The following GLS variants were observed in gnomAD, a reference collection of about 807,000 sequenced individuals.
GLS encodes the protein glutaminase kidney isoform, mitochondrial.
GLS carries 36 observed loss-of-function variants against 86.7 expected under a neutral mutation model. The observed-to-expected ratio is 0.42, with a 90% confidence interval of 0.32 to 0.55. GLS has a LOEUF of 0.55. Ranked by LOEUF, GLS falls within the 20% of genes least tolerant of loss-of-function variation. GLS has a pLI of 0.17. For missense variants in GLS, 528 were observed against 833.4 expected (o/e 0.63, Z 4.51); for synonymous variants, 317 against 305.9 (o/e 1.04, Z -0.38).
rs1465040874 is a variant in GLS, at chr2:190,962,129, A to G, written c.1854-701A>G. On this transcript the variant is annotated intron_variant, in intron 17 of 17. Coordinates refer to ENST00000320717, the MANE Select transcript of GLS (RefSeq NM_014905.5). The surrounding 1 kb of genome is among the most constrained non-coding windows in gnomAD (Gnocchi z 4.2). ...GGCAAGTGATTAACCACTTCTGGCA[A>G]CTCTTCATTTCTTCTTATCCTTGAA... Among the ~76,000 whole-genome samples the G allele has an allele frequency of 6.6e-6, 1 of 152,146 alleles. No homozygotes were observed. Among genetic ancestry groups the G allele is most frequent in the African/African-American group, 2.4e-5 (1 of 41,426 alleles).
intron 14 of GLS, among the ~76,000 whole-genome samples, chr2:190,939,056 A>G (rs954635447): frequency 1.3e-5 from 2 of 151,712 alleles, no homozygotes; most frequent in Non-Finnish European, 3.0e-5. Context: ...CAAGTTCTAA[A>G]CAAATGGTTT....
chr2:190,901,992 T>TGG lies in GLS; in HGVS notation c.784_785dup (p.Ser264CysfsTer6), dbSNP rs1472854634. 6.2e-7 allele frequency: 1 copy of TGG among 1,611,816 alleles called. No individual in the cohort carries two copies. The highest frequency in any genetic ancestry group is 8.5e-7 in the Non-Finnish European group (1 of 1,178,132). ...ACTGGCCAAATTCAGTCCCGATTTG[T>TGG]GGGGTGTGTCTGTTTGTACAGTAGA... is the stretch of plus-strand genomic sequence containing the variant. On this transcript the variant is annotated frameshift_variant, in exon 5 of 18. Transcript: ENST00000320717. LOFTEE classifies it high-confidence loss of function.
In GLS at chr2:190,905,364, G is replaced by A. The variant is rs1689096989; in HGVS notation, c.979+197G>A. 4 of 456,126 alleles carry A rather than the reference G, an allele frequency of 8.8e-6. No individual in the cohort carries two copies. Among genetic ancestry groups the A allele is most frequent in the South Asian group, 6.6e-5 (2 of 30,438 alleles). The allele number at this position is 456,126 out of a possible 1,614,324, so 28.3% of individuals were successfully genotyped here. Reference sequence around the variant, plus strand: ...CTCATACCACTGGGAAGTGGGCTAGGGAGAACATGAACTTCTCTCTTCATA... The same window carrying A: ...CTCATACCACTGGGAAGTGGGCTAGAGAGAACATGAACTTCTCTCTTCATA... On this transcript the variant is annotated intron_variant, in intron 6 of 17. Coordinates refer to ENST00000320717, the MANE Select transcript of GLS (RefSeq NM_014905.5). The surrounding 1 kb of genome is among the most constrained non-coding windows in gnomAD (Gnocchi z 4.6).
rs1688718857 is a variant in GLS at position 190,895,943 on chromosome 2, C to T, written c.605+218C>T. 3 of 316,060 alleles carry T rather than the reference C, an allele frequency of 9.5e-6. No individual in the cohort carries two copies. The highest frequency in any genetic ancestry group is 1.8e-5 in the Non-Finnish European group (3 of 167,992). The allele number at this position is 316,060 out of a possible 1,614,324, so 19.6% of individuals were successfully genotyped here. A position where few individuals can be genotyped will look rare whatever the true frequency, so the allele number is the denominator to read the frequency against. On this transcript the variant is annotated intron_variant, in intron 3 of 17. Coordinates refer to ENST00000320717, the MANE Select transcript of GLS (RefSeq NM_014905.5). The surrounding 1 kb of genome is among the most constrained non-coding windows in gnomAD (Gnocchi z 4.2). Reference sequence around the variant, plus strand: ...TTAAATCTGTTCTAAGCAAATTTAGCCACCGATGTTTCCAGTTTACAGTAC... The same window carrying T: ...TTAAATCTGTTCTAAGCAAATTTAGTCACCGATGTTTCCAGTTTACAGTAC...
chr2:190,934,513 A>G (rs1329333060), intron 14 of GLS: 13 of 983,836 alleles, frequency 1.3e-5, no homozygotes, highest in Non-Finnish European at 1.6e-5. Flanking sequence ...TCAAGGCCTT[A>G]CTGCATATTT....
chr2:190,959,033 A>G (rs1052838041), intron 17 of GLS, among the ~76,000 whole-genome samples: 2 of 152,088 alleles, frequency 1.3e-5, no homozygotes, highest in Non-Finnish European at 2.9e-5. Flanking sequence ...AAAGTCTCCC[A>G]CTATTATTGT....
Position 190,954,440 on chromosome 2 carries a change from T to C in GLS, c.1713-144T>C. On this transcript the variant is annotated intron_variant, in intron 15 of 17. Coordinates refer to ENST00000320717, the MANE Select transcript of GLS (RefSeq NM_014905.5). This position sits in a 1 kb window ranked among gnomAD's most constrained non-coding sequence, Gnocchi z 4.0. The stretch of plus-strand genomic sequence containing the variant: ...TCTACCCAAAACACCTGTGTACTGG[T>C]TAATAAGGTCGGTAGTTCCCATTAA... 1 of 623,910 alleles carries C rather than the reference T, an allele frequency of 1.6e-6. No homozygotes were observed. The highest frequency in any genetic ancestry group is 2.7e-5 in the East Asian group (1 of 36,426). The allele number at this position is 623,910 out of a possible 1,614,324, so 38.6% of individuals were successfully genotyped here.
At position 190,955,126 on chromosome 2, in the gene GLS, T is replaced by A. The variant is rs187524759; in HGVS notation, c.1853+308T>A. ...ATTGGAATTTTATCCTCATGGATTT[T>A]AAAAAAAAAATTTTTAAATTACACT... On this transcript the variant is annotated intron_variant, in intron 17 of 17. Coordinates refer to ENST00000320717, the MANE Select transcript of GLS (RefSeq NM_014905.5). This position sits in a 1 kb window ranked among gnomAD's most constrained non-coding sequence, Gnocchi z 5.6. 6.0e-3 allele frequency among the ~76,000 whole-genome samples: 899 copies of A among 151,044 alleles called. 18 individuals are homozygous for A. Among genetic ancestry groups the A allele is most frequent in the African/African-American group, 0.016 (642 of 41,140 alleles).
At chr2:190,911,390 G>T (rs1167964480) in intron 7 of GLS, among the ~76,000 whole-genome samples, 1 of 152,142 alleles carries the variant, frequency 6.6e-6, no homozygotes, top group Non-Finnish European at 1.5e-5. Context: ...ATGTTTACTT[G>T]TTACTTCAAG....
rs1558981725 is a variant in GLS, at chr2:190,921,012, A to C, written c.1039-12A>C. On this transcript the variant is annotated splice_polypyrimidine_tract_variant and intron_variant, in intron 7 of 17. Transcript: ENST00000320717. The surrounding 1 kb of genome is among the most constrained non-coding windows in gnomAD (Gnocchi z 4.2). ...CTATATTAACGTATTTATGTCTCTT[A>C]TTTTTTTGCAGCAAGGAGTAAATAA... is the stretch of plus-strand genomic sequence containing the variant. 6.8e-7 allele frequency: 1 copy of C among 1,475,450 alleles called. No homozygotes were observed. 91.4% of individuals were successfully genotyped at this position (1,475,450 alleles called of 1,614,324 possible).
At chr2:190,890,460 G>A (rs1041932093) in intron 1 of GLS, among the ~76,000 whole-genome samples, 3 of 152,198 alleles carry the variant, frequency 2.0e-5, no homozygotes, top group African/African-American at 7.2e-5. Flanking sequence ...AGCCTTAAAA[G>A]ATGTAAGTTT....
intron 14 of GLS, among the ~76,000 whole-genome samples, chr2:190,944,208 T>G (rs1171251492): frequency 6.6e-6 from 1 of 151,940 alleles, no homozygotes; most frequent in African/African-American, 2.4e-5. Context: ...TTTTTTTTTT[T>G]GTTTAATATG....
intron 6 of GLS, among the ~76,000 whole-genome samples, chr2:190,907,158 T>C (rs1689174382): frequency 6.6e-6 from 1 of 152,044 alleles, no homozygotes; most frequent in Admixed American, 6.5e-5. Flanking sequence ...TCTCCTGACC[T>C]CGTGATCTGC....
intron 7 of GLS, among the ~76,000 whole-genome samples, chr2:190,915,273 T>C (rs1014350247): frequency 6.6e-6 from 1 of 151,932 alleles, no homozygotes; most frequent in Admixed American, 6.5e-5. Flanking sequence ...GTGCTGGGAT[T>C]ACAGACGTGA....
chr2:190,895,103 G>T lies in GLS; in HGVS notation c.387-49G>T, dbSNP rs1688684451. 2.5e-6 allele frequency: 2 copies of T among 798,938 alleles called. No individual in the cohort carries two copies. The highest frequency in any genetic ancestry group is 2.0e-5 in the Admixed American group (1 of 51,036). 49.5% of individuals were successfully genotyped at this position (798,938 alleles called of 1,614,324 possible). A position where few individuals can be genotyped will look rare whatever the true frequency, so the allele number is the denominator to read the frequency against. On this transcript the variant is annotated intron_variant, in intron 1 of 17. Coordinates refer to ENST00000320717, the MANE Select transcript of GLS (RefSeq NM_014905.5). This position sits in a 1 kb window ranked among gnomAD's most constrained non-coding sequence, Gnocchi z 4.2. ...AACAATGGATTTAGTTAAAAATCCA[G>T]TAGAATGTTCATACAAGGATTAATT...
Position 190,935,262 on chromosome 2 carries a change from A to T in GLS, c.1650+3625A>T, listed in dbSNP as rs1043452303. 2 of 639,042 alleles carry T rather than the reference A, an allele frequency of 3.1e-6. No homozygotes were observed. The highest frequency in any genetic ancestry group is 3.9e-6 in the Non-Finnish European group (2 of 514,158). 39.6% of individuals were successfully genotyped at this position (639,042 alleles called of 1,614,324 possible). On this transcript the variant is annotated intron_variant, in intron 14 of 17. Coordinates refer to ENST00000320717, the MANE Select transcript of GLS (RefSeq NM_014905.5). The surrounding 1 kb of genome is among the most constrained non-coding windows in gnomAD (Gnocchi z 4.2). ...ATTTTCCAGTATGCCTACATTTTGT[A>T]TTGCACAATAAATTTATTTTAAGCT...
chr2:190,883,667 G>A (rs1180606553), intron 1 of GLS, among the ~76,000 whole-genome samples: 2 of 152,070 alleles, frequency 1.3e-5, no homozygotes, highest in African/African-American at 4.8e-5. Flanking sequence ...AATTTTTTTA[G>A]TTTCCACAAA....
Position 190,953,739 on chromosome 2 carries a change from G to T in GLS, c.1712+113G>T. 1.4e-6 allele frequency: 1 copy of T among 735,764 alleles called. No homozygotes were observed. Among genetic ancestry groups the T allele is most frequent in the Admixed American group, 2.2e-5 (1 of 45,316 alleles). The allele number at this position is 735,764 out of a possible 1,614,324, so 45.6% of individuals were successfully genotyped here. On this transcript the variant is annotated intron_variant, in intron 15 of 17. Coordinates refer to ENST00000320717, the MANE Select transcript of GLS (RefSeq NM_014905.5). This position sits in a 1 kb window ranked among gnomAD's most constrained non-coding sequence, Gnocchi z 4.0. ...ACTTTTCTTTCCCTTTGATAAAAAT[G>T]ACCCCAACAAAATTTTTATTAAATA... is the stretch of plus-strand genomic sequence containing the variant.
intron 9 of GLS, among the ~76,000 whole-genome samples, chr2:190,923,707 A>G (rs1689816743): frequency 1.3e-5 from 2 of 152,232 alleles, no homozygotes; most frequent in Admixed American, 1.3e-4. Flanking sequence ...GTCATTTTAT[A>G]GCCAAGAAAA....
Sources: gnomAD v4.1 joint callset for allele counts (sites outside exome capture counted in the v4.1 genomes callset) on GRCh38, gnomAD v4.1.1 for gene constraint, Gnocchi (gnomAD v3.1) non-coding constraint, MANE v1.5 for transcripts, NCBI Gene and HGNC (gene_info 2026-07-23, HGNC 2026-07-21) for gene names.